SORCS1: variants seen among roughly 807,000 people sequenced by gnomAD.
SORCS1 encodes the protein VPS10 domain-containing receptor SorCS1.
In SORCS1, 60 loss-of-function variants were observed where a neutral mutation model predicts 146.1. That is an observed-to-expected ratio of 0.41 (90% CI 0.33 to 0.51). The LOEUF (loss-of-function observed/expected upper bound fraction) is 0.51, where lower values mean the gene tolerates loss of function less well. SORCS1 is among the 20% of genes least tolerant of loss of function. The probability of loss-of-function intolerance (pLI) is 0.21; values close to 1 mark genes in which losing one functional copy is unlikely to be tolerated. For synonymous variants in SORCS1, 637 were observed against 584.0 expected (o/e 1.09, Z -1.31); for missense variants, 1,352 against 1,487.6 (o/e 0.91, Z 1.50).
At chr10:106,923,611 C>T (rs545454230) in intron 2 of SORCS1, among the ~76,000 whole-genome samples, 6 of 152,334 alleles carry the variant, frequency 3.9e-5, no homozygotes, top group Middle Eastern at 3.4e-3. Context: ...TGTTGCTCCA[C>T]GGCCTCACCA....
At chr10:107,089,767 A>G (rs768916467) in intron 1 of SORCS1, among the ~76,000 whole-genome samples, 1 of 152,204 alleles carries the variant, frequency 6.6e-6, no homozygotes. Flanking sequence ...TCACATCTAT[A>G]TTTTCCCAAA....
At chr10:107,014,278 GAAAA>G (rs749134517) in intron 1 of SORCS1, among the ~76,000 whole-genome samples, 2 of 138,300 alleles carry the variant, frequency 1.4e-5, no homozygotes, top group Non-Finnish European at 3.1e-5. Context: ...AAAAAGAAAA[GAAAA>G]AAAGAGAGAG....
At chr10:106,856,025 A>G (rs1949772421) in intron 2 of SORCS1, among the ~76,000 whole-genome samples, 1 of 132,712 alleles carries the variant, frequency 7.5e-6, no homozygotes, top group South Asian at 2.5e-4. Flanking sequence ...AGGGAGACAC[A>G]ACATTTTTTT....
intron 3 of SORCS1, among the ~76,000 whole-genome samples, chr10:106,825,625 G>T (rs1948269146): frequency 6.6e-6 from 1 of 151,254 alleles, no homozygotes; most frequent in South Asian, 2.1e-4. Context: ...ATCACCTTCT[G>T]CATCCCAGCT....
the SORCS1 span, among the ~76,000 whole-genome samples, chr10:107,169,995 C>A: frequency 1.3e-5 from 2 of 151,882 alleles, no homozygotes; most frequent in South Asian, 4.2e-4. Context: ...TATATTTTTC[C>A]AATTTTAATA....
At chr10:106,604,738 A>G (rs994649349) in intron 23 of SORCS1, among the ~76,000 whole-genome samples, 26 of 152,048 alleles carry the variant, frequency 1.7e-4, no homozygotes, top group African/African-American at 6.0e-4. Context: ...CTCTCTTCCA[A>G]TACATGCCCT....
At chr10:107,008,000 A>G (rs1282676787) in intron 1 of SORCS1, among the ~76,000 whole-genome samples, 2 of 151,694 alleles carry the variant, frequency 1.3e-5, no homozygotes, top group Non-Finnish European at 2.9e-5. Flanking sequence ...TATGTTGTCT[A>G]AAGATTTATT....
At chr10:106,781,598 T>A (rs1860900235) in intron 3 of SORCS1, among the ~76,000 whole-genome samples, 1 of 152,214 alleles carries the variant, frequency 6.6e-6, no homozygotes, top group East Asian at 1.9e-4. Context: ...TTTCTCTCTA[T>A]AAACAGAATA....
chr10:106,976,362 C>T (rs1375075269), intron 1 of SORCS1, among the ~76,000 whole-genome samples: 3 of 77,348 alleles, frequency 3.9e-5, no homozygotes, highest in Middle Eastern at 0.014. Flanking sequence ...GACGGAGTCT[C>T]GCTCTGTCAC....
intron 1 of SORCS1, among the ~76,000 whole-genome samples, chr10:107,091,907 T>C (rs959764483): frequency 1.3e-5 from 2 of 152,226 alleles, no homozygotes; most frequent in African/African-American, 4.8e-5. Context: ...TCTCTGATTA[T>C]CCTGTCTTTA....
chr10:107,072,468 T>C (rs1962515678), intron 1 of SORCS1, among the ~76,000 whole-genome samples: 1 of 151,882 alleles, frequency 6.6e-6, no homozygotes, highest in Admixed American at 6.6e-5. Flanking sequence ...TGCTCTAGAG[T>C]GTAACGATTT....
At chr10:106,892,897 T>C (rs918517057) in intron 2 of SORCS1, among the ~76,000 whole-genome samples, 1 of 61,182 alleles carries the variant, frequency 1.6e-5, no homozygotes, top group African/African-American at 5.0e-5. Context: ...GGAAAGCCCT[T>C]TTTTTTTTTT....
chr10:107,141,357 C>T (rs2134720063), intron 1 of SORCS1, among the ~76,000 whole-genome samples: 1 of 152,248 alleles, frequency 6.6e-6, no homozygotes, highest in East Asian at 1.9e-4. Flanking sequence ...TCTCCTCCAT[C>T]TAATAACATA....
the SORCS1 span, among the ~76,000 whole-genome samples, chr10:107,176,213 CTTCCTTCCTTCCTCCCTCCTTCCCTGTT>C: frequency 6.6e-6 from 1 of 150,680 alleles, no homozygotes; most frequent in Non-Finnish European, 1.5e-5. Flanking sequence ...GTAATCCTTC[CTTCCTTCCTTCCTCCCTCCTTCCCTGTT>C]TTCCTTCCTT....
chr10:106,805,978 T>A (rs190553887), intron 3 of SORCS1, among the ~76,000 whole-genome samples: 519 of 147,426 alleles, frequency 3.5e-3, no homozygotes, highest in African/African-American at 0.012. Flanking sequence ...GAGAATGGCG[T>A]GAACCCGGGA....
intron 8 of SORCS1, among the ~76,000 whole-genome samples, chr10:106,700,482 G>C (rs1284072150): frequency 6.6e-6 from 1 of 151,570 alleles, no homozygotes; most frequent in Admixed American, 6.6e-5. Flanking sequence ...TAACCACAAA[G>C]GTAGAAGAAC....
chr10:106,881,974 C>A (rs948283627), intron 2 of SORCS1, among the ~76,000 whole-genome samples: 2 of 152,072 alleles, frequency 1.3e-5, no homozygotes, highest in Non-Finnish European at 2.9e-5. Context: ...AAAGTGAAAT[C>A]TAAGTTACTA....
At chr10:106,883,141 G>C (rs1258873499) in intron 2 of SORCS1, among the ~76,000 whole-genome samples, 1 of 152,178 alleles carries the variant, frequency 6.6e-6, no homozygotes, top group East Asian at 1.9e-4. Flanking sequence ...TTCAGAGTCA[G>C]ATGGTTTTCA....
intron 1 of SORCS1, among the ~76,000 whole-genome samples, chr10:106,968,042 A>C (rs1446907068): frequency 6.8e-6 from 1 of 147,388 alleles, no homozygotes; most frequent in Non-Finnish European, 1.5e-5. Flanking sequence ...GTCTCTACTA[A>C]AGAAAAAAAA....
Sources: allele counts gnomAD v4.1 joint callset (sites outside exome capture counted in the v4.1 genomes callset), GRCh38; gene constraint gnomAD v4.1.1; transcripts MANE v1.5; gene names NCBI Gene and HGNC (gene_info 2026-07-23, HGNC 2026-07-21).